DENND4C: variants seen among roughly 807,000 people sequenced by gnomAD.
DENND4C encodes the protein DENN domain containing 4C.
DENND4C carries 108 observed loss-of-function variants against 203.0 expected under a neutral mutation model. The observed-to-expected ratio is 0.53, with a 90% CI of 0.46 to 0.62. The LOEUF is 0.62. DENND4C is among the 20% of genes least tolerant of loss of function. The pLI is 0.00. For synonymous variants in DENND4C, 871 were observed against 792.4 expected, an observed-to-expected ratio of 1.10 and a Z score of -1.67; for missense variants, 2,481 against 2,301.2, an observed-to-expected ratio of 1.08 and a Z score of -1.60.
Position 19,305,389 on chromosome 9 carries a change from C to A in DENND4C, c.1349C>A (p.Pro450His). The change falls in exon 10 of 33, where the codon CCC (proline) becomes CAC (histidine). Residue 450 changes from proline (P) to histidine (H), a missense_variant. This residue lies in a region of DENND4C where 2,289 missense variants were observed against 2,113.3 expected (regional missense o/e 1.08). Transcript: ENST00000434457. The part of the protein sequence containing the change: ...FPFQWQCPYI[P>H]LCPLSLAAVL... ...TTTCAGTGGCAATGCCCATATATTCCCCTTTGTCCTCTTTCACTGGCTGCA... is the reference window on the plus strand; with the variant it reads ...TTTCAGTGGCAATGCCCATATATTCACCTTTGTCCTCTTTCACTGGCTGCA... The A allele has an allele frequency of 6.2e-7, 1 of 1,612,072 alleles. No homozygotes were observed. The highest frequency in any genetic ancestry group is 8.5e-7 in the Non-Finnish European group (1 of 1,178,936).
chr9:19,243,683 T>A (rs778743883), intron 1 of DENND4C, among the ~76,000 whole-genome samples: 57 of 152,218 alleles, frequency 3.7e-4, no homozygotes, highest in Non-Finnish European at 6.2e-4. Flanking sequence ...ACTTCATTCC[T>A]TTTTATGGCT....
At chr9:19,359,672 T>G (rs531636121) in intron 28 of DENND4C, among the ~76,000 whole-genome samples, 1 of 152,224 alleles carries the variant, frequency 6.6e-6, no homozygotes, top group East Asian at 1.9e-4. Context: ...GGGGACTCAC[T>G]GTTGATGAGA....
chr9:19,252,708 T>C (rs200630555), intron 1 of DENND4C, among the ~76,000 whole-genome samples: 1 of 81,144 alleles, frequency 1.2e-5, no homozygotes, highest in Admixed American at 1.7e-4. Context: ...AATCAGCGTG[T>C]GTATACACAC....
At chr9:19,295,889 T>C in intron 5 of DENND4C, 119 bp from the exon 6 acceptor site, 1 of 707,804 alleles carries the variant, frequency 1.4e-6, no homozygotes. Context: ...ATTTTTTTTT[T>C]CATAATTTAT....
chr9:19,350,823 C>T lies in DENND4C; in HGVS notation c.4439C>T (p.Thr1480Ile). The T allele has an allele frequency of 6.2e-7, 1 of 1,613,926 alleles. No homozygotes were observed. Among genetic ancestry groups the T allele is most frequent in the Non-Finnish European group, 8.5e-7 (1 of 1,179,980 alleles). The stretch of plus-strand genomic sequence containing the variant: ...CCCAGTGAACTTACCCAGAGCAACA[C>T]AAGTCTTGGCAGTAGCAGCAGTAGT... ...LVPSELTQSN[T>I]SLGSSSSSGD... Residue 1480 changes from threonine (T) to isoleucine (I), a missense_variant, in exon 24 of 33, where the codon ACA (threonine) becomes ATA (isoleucine). Thr to Ile is a moderately conservative substitution (Grantham distance 89, BLOSUM62 -1). Coordinates refer to ENST00000434457, the MANE Select transcript of DENND4C (RefSeq NM_001330640.2).
intron 1 of DENND4C, among the ~76,000 whole-genome samples, chr9:19,259,652 T>C (rs1828877374): frequency 6.6e-6 from 1 of 151,830 alleles, no homozygotes; most frequent in Non-Finnish European, 1.5e-5. Flanking sequence ...ATTACAGGCA[T>C]GTCCCACCAC....
intron 23 of DENND4C, among the ~76,000 whole-genome samples, chr9:19,348,680 A>G (rs536873569): frequency 4.6e-5 from 7 of 152,328 alleles, no homozygotes; most frequent in Middle Eastern, 3.4e-3. Flanking sequence ...AAAGTATAGT[A>G]TTGAACATTA....
chr9:19,320,824 C>G (rs1483346177), intron 12 of DENND4C, among the ~76,000 whole-genome samples: 1 of 152,186 alleles, frequency 6.6e-6, no homozygotes, highest in Non-Finnish European at 1.5e-5. Context: ...GGTCTAGCAG[C>G]CTTTGCTGAT....
At chr9:19,270,504 A>G (rs958724442) in intron 1 of DENND4C, among the ~76,000 whole-genome samples, 1 of 152,122 alleles carries the variant, frequency 6.6e-6, no homozygotes, top group Non-Finnish European at 1.5e-5. Context: ...GGGTTTTTCT[A>G]TTTTGTAACA....
At chr9:19,355,940 CCTATA>C (rs1471418431) in intron 26 of DENND4C, among the ~76,000 whole-genome samples, 6 of 151,760 alleles carry the variant, frequency 4.0e-5, no homozygotes, top group African/African-American at 1.5e-4. Flanking sequence ...CTCCATAAGT[CCTATA>C]CTTTTTGAGT....
intron 16 of DENND4C, among the ~76,000 whole-genome samples, chr9:19,328,851 C>G (rs1818458083): frequency 6.6e-6 from 1 of 151,922 alleles, no homozygotes; most frequent in Non-Finnish European, 1.5e-5. Flanking sequence ...GAGTTCGAGA[C>G]CAGCCTGACC....
At chr9:19,282,868 C>T (rs956158764) in intron 2 of DENND4C, among the ~76,000 whole-genome samples, 2 of 151,652 alleles carry the variant, frequency 1.3e-5, no homozygotes. Flanking sequence ...AGGCATCTGC[C>T]ACCACACCTG....
At chr9:19,254,087 A>G (rs1413161112) in intron 1 of DENND4C, among the ~76,000 whole-genome samples, 2 of 152,226 alleles carry the variant, frequency 1.3e-5, no homozygotes, top group Admixed American at 6.5e-5. Context: ...TTGTTAATAC[A>G]AAGTATCAAT....
intron 1 of DENND4C, among the ~76,000 whole-genome samples, chr9:19,237,554 T>C (rs1017491907): frequency 9.2e-5 from 14 of 152,072 alleles, no homozygotes; most frequent in African/African-American, 3.4e-4. Flanking sequence ...AGACAGGGTT[T>C]CAATGTGTTA....
intron 10 of DENND4C, among the ~76,000 whole-genome samples, chr9:19,313,404 G>T (rs1279505686): frequency 6.6e-6 from 1 of 152,128 alleles, no homozygotes; most frequent in African/African-American, 2.4e-5. Context: ...TCAGAAAATT[G>T]AGTAACAGAC....
Position 19,231,677 on chromosome 9 carries a change from A to G in DENND4C, c.-18+844A>G, listed in dbSNP as rs1447047542. Among the ~76,000 whole-genome samples, 9 of 151,786 alleles carry G rather than the reference A, an allele frequency of 5.9e-5. No individual in the cohort carries two copies. In the East Asian group the frequency reaches 1.7e-3, roughly 29 times the overall value. On this transcript the variant is annotated intron_variant, in intron 1 of 32. Transcript: ENST00000434457. ...TTCTCCCCTTATGTATGTTTGTCAC[A>G]CGGGAAAATTTAGGGTAGTTACCGC...
In DENND4C at chr9:19,316,748, T is replaced by C. The variant is rs1563796116; in HGVS notation, c.1716T>C (p.Ser572=). ...AGGCATTTTTGCGCTTTATGGCGTC[T>C]ATTTTAAAAGGATATAGAACATATC... is the stretch of plus-strand genomic sequence containing the variant. ...IQEAFLRFMA[S]ILKGYRTYLR... Residue 572 remains serine (S), a synonymous_variant, in exon 12 of 33, where the codon TCT becomes TCC. Transcript: ENST00000434457. 3.1e-6 allele frequency: 5 copies of C among 1,614,006 alleles called. No homozygotes were observed. The African/African-American group carries it at 4.0e-5, about 13-fold the overall frequency.
At chr9:19,319,365 C>CAT (rs1306129672) in intron 12 of DENND4C, among the ~76,000 whole-genome samples, 8 of 111,920 alleles carry the variant, frequency 7.1e-5, no homozygotes, top group African/African-American at 1.3e-4. Context: ...TATATACACA[C>CAT]ATATATATAC....
intron 16 of DENND4C, 56 bp from the exon 17 acceptor site, chr9:19,331,922 C>G (rs912272369): frequency 1.4e-6 from 2 of 1,468,110 alleles, no homozygotes; most frequent in Non-Finnish European, 9.3e-7. Context: ...CTTCTCACTT[C>G]TCCCCTCACC....
Sources: gnomAD v4.1 joint callset for allele counts (sites outside exome capture counted in the v4.1 genomes callset) on GRCh38, gnomAD v4.1.1 for gene constraint, gnomAD v4.1.1 regional missense constraint, MANE v1.5 for transcripts, NCBI Gene and HGNC (gene_info 2026-07-23, HGNC 2026-07-21) for gene names.